TADA2B: variants seen among roughly 807,000 people sequenced by gnomAD.
TADA2B encodes the protein transcriptional adaptor 2B, also known as transcriptional adapter 2-beta.
In TADA2B, 13 loss-of-function variants were observed where a neutral mutation model predicts 34.5. The ratio of observed to expected loss-of-function variants is 0.38; its 90% confidence interval spans 0.25 to 0.60. The LOEUF (loss-of-function observed/expected upper bound fraction) is 0.60. Ranked by LOEUF, TADA2B falls within the 20% of genes least tolerant of loss-of-function variation. The pLI is 0.65. For missense variants in TADA2B, 442 were observed against 575.0 expected, an observed-to-expected ratio of 0.77 and a Z score of 2.37; for synonymous variants, 240 against 243.4, an observed-to-expected ratio of 0.99 and a Z score of 0.13.
In TADA2B at chr4:7,055,042, G is replaced by A; in HGVS notation, c.1251G>A (p.Arg417=). ...TCACAGAAAGCGGCTGGATCTCCAG[G>A]GACGCGTCTTGAAGCTGAGACGCTT... ...NFLTESGWIS[R]DAS Residue 417 remains arginine (R), a synonymous_variant, in exon 2 of 2, where the codon AGG becomes AGA. Coordinates refer to ENST00000310074, the MANE Select transcript of TADA2B (RefSeq NM_152293.3). The A allele has an allele frequency of 6.2e-7, 1 of 1,608,806 alleles. No individual in the cohort carries two copies. The highest frequency in any genetic ancestry group is 1.3e-5 in the African/African-American group (1 of 74,574).
Position 7,056,121 on chromosome 4 carries a change from C to G in TADA2B, c.*1067C>G, listed in dbSNP as rs1445433407. 2.0e-5 allele frequency: 3 copies of G among 152,664 alleles called. No individual in the cohort carries two copies. Among genetic ancestry groups the G allele is most frequent in the Non-Finnish European group, 4.4e-5 (3 of 68,058 alleles). 9.5% of individuals were successfully genotyped at this position (152,664 alleles called of 1,614,324 possible). Reference sequence around the variant, plus strand: ...CAGCTGAGGCCTCAGACTAGCCAGGCAAGAGCCGTCTGACCAGTTGGCTGG... The same window carrying G: ...CAGCTGAGGCCTCAGACTAGCCAGGGAAGAGCCGTCTGACCAGTTGGCTGG... On this transcript the variant is annotated 3_prime_UTR_variant, in exon 2 of 2. Transcript: ENST00000310074.
rs1723532050 is a variant in TADA2B, at chr4:7,043,376, G to C, written c.-204G>C. 1 of 155,856 alleles carries C rather than the reference G, an allele frequency of 6.4e-6. No individual in the cohort carries two copies. 9.7% of individuals were successfully genotyped at this position (155,856 alleles called of 1,614,324 possible). On this transcript the variant is annotated 5_prime_UTR_variant, in exon 1 of 2. Transcript: ENST00000310074. ...CGGTGGCGGCCGGGCCGGGCCGGAC[G>C]GCGCCTGCGTACTGAGGGGGGACGC...
chr4:7,050,448 G>T (rs191036613), intron 1 of TADA2B, among the ~76,000 whole-genome samples: 287 of 152,384 alleles, frequency 1.9e-3, no homozygotes, highest in Admixed American at 3.3e-3. Flanking sequence ...GGAGAAAAAG[G>T]AGCTGGTGCT....
chr4:7,043,883 G>A, intron 1 of TADA2B, 34 bp downstream of exon 1: 1 of 1,454,764 alleles, frequency 6.9e-7, no homozygotes, highest in Non-Finnish European at 9.0e-7. Flanking sequence ...GTCCCGGCTA[G>A]GGCACTGGAA....
chr4:7,046,995 G>T (rs1278617596), intron 1 of TADA2B, among the ~76,000 whole-genome samples: 1 of 152,132 alleles, frequency 6.6e-6, no homozygotes, highest in Non-Finnish European at 1.5e-5. Flanking sequence ...TGATAGCGAG[G>T]GGCAGAGAGA....
chr4:7,049,906 G>A (rs973772496), intron 1 of TADA2B, among the ~76,000 whole-genome samples: 2 of 152,238 alleles, frequency 1.3e-5, no homozygotes, highest in Admixed American at 6.5e-5. Context: ...GGCCCTAGTT[G>A]TTGGCCCAGT....
At chr4:7,047,170 G>T (rs931913220) in intron 1 of TADA2B, among the ~76,000 whole-genome samples, 2 of 152,158 alleles carry the variant, frequency 1.3e-5, no homozygotes, top group East Asian at 3.9e-4. Flanking sequence ...GAACACAGAC[G>T]CAAACACAGG....
Position 7,054,220 on chromosome 4 carries a change from C to T in TADA2B, c.429C>T (p.Leu143=), listed in dbSNP as rs748670334. ...TDHTCPSGGP[L]SPSLTTPLPP... ...ACACCTGTCCCAGCGGAGGCCCCCT[C>T]TCACCCAGCCTCACCACCCCGCTGC... Residue 143 remains leucine, a synonymous_variant, in exon 2 of 2, where the codon CTC becomes CTT. Transcript: ENST00000310074. 6.2e-7 allele frequency: 1 copy of T among 1,606,786 alleles called. No individual in the cohort carries two copies. The highest frequency in any genetic ancestry group is 8.5e-7 in the Non-Finnish European group (1 of 1,176,786).
chr4:7,048,842 G>A (rs1010525441), intron 1 of TADA2B, among the ~76,000 whole-genome samples: 9 of 152,132 alleles, frequency 5.9e-5, no homozygotes, highest in African/African-American at 1.7e-4. Context: ...TCTGACTGGC[G>A]TATTTCACTT....
Position 7,054,222 on chromosome 4 carries a change from C to T in TADA2B, c.431C>T (p.Ser144Leu). Reference protein sequence around the residue: ...DHTCPSGGPLSPSLTTPLPPL... With the variant: ...DHTCPSGGPLLPSLTTPLPPL... Reference sequence around the variant, plus strand: ...ACCTGTCCCAGCGGAGGCCCCCTCTCACCCAGCCTCACCACCCCGCTGCCC... The same window carrying T: ...ACCTGTCCCAGCGGAGGCCCCCTCTTACCCAGCCTCACCACCCCGCTGCCC... The change falls in exon 2 of 2, where the codon TCA becomes TTA. Residue 144 changes from serine (S) to leucine (L), a missense_variant. Transcript: ENST00000310074. 1.2e-6 allele frequency: 2 copies of T among 1,607,196 alleles called. No individual in the cohort carries two copies. Among genetic ancestry groups the T allele is most frequent in the Non-Finnish European group, 1.7e-6 (2 of 1,177,014 alleles).
chr4:7,052,495 A>G (rs1168304892), intron 1 of TADA2B, among the ~76,000 whole-genome samples: 1 of 152,206 alleles, frequency 6.6e-6, no homozygotes, highest in African/African-American at 2.4e-5. Context: ...CGGCTGCTCC[A>G]TGAGAGGGGA....
intron 1 of TADA2B, among the ~76,000 whole-genome samples, chr4:7,049,031 T>G (rs143349548): frequency 7.2e-5 from 11 of 152,316 alleles, no homozygotes; most frequent in African/African-American, 2.6e-4. Flanking sequence ...GAAGATGGTG[T>G]TGAGGGATCT....
Position 7,057,020 on chromosome 4 carries a change from C to T in TADA2B, c.*1966C>T, listed in dbSNP as rs1246128339. ...CTCCAGGTGACTGGATGTAAGCTTG[C>T]TTGAGAACTATGGGTTTTAGCTATT... On this transcript the variant is annotated 3_prime_UTR_variant, in exon 2 of 2. Coordinates refer to ENST00000310074, the MANE Select transcript of TADA2B (RefSeq NM_152293.3). 1 of 152,218 alleles carries T rather than the reference C, an allele frequency of 6.6e-6. No homozygotes were observed. Among genetic ancestry groups the T allele is most frequent in the Non-Finnish European group, 1.5e-5 (1 of 68,038 alleles). The allele number at this position is 152,218 out of a possible 1,614,324, so 9.4% of individuals were successfully genotyped here.
Position 7,054,248 on chromosome 4 carries a change from C to T in TADA2B, c.457C>T (p.Pro153Ser), listed in dbSNP as rs757159873. ...ACCCAGCCTCACCACCCCGCTGCCC[C>T]CGCTGGACATCTCTGTGGCTGAGCA... ...LSPSLTTPLP[P>S]LDISVAEQQQ... The change falls in exon 2 of 2, where the codon CCG becomes TCG. Residue 153 changes from proline (P) to serine (S), a missense_variant. Coordinates refer to ENST00000310074, the MANE Select transcript of TADA2B (RefSeq NM_152293.3). The T allele has an allele frequency of 6.2e-7, 1 of 1,610,850 alleles. No individual in the cohort carries two copies. The highest frequency in any genetic ancestry group is 8.5e-7 in the Non-Finnish European group (1 of 1,178,732).
Position 7,057,805 on chromosome 4 carries a change from T to TATC in TADA2B, c.*2752_*2754dup, listed in dbSNP as rs1374666556. ...CATCTCAAAAAAAATCTAAGCAAAC[T>TATC]ATCTTTGAGTCAAAAAAAGTTGGAT... On this transcript the variant is annotated 3_prime_UTR_variant, in exon 2 of 2. Transcript: ENST00000310074. 6.6e-6 allele frequency: 1 copy of TATC among 151,160 alleles called. No individual in the cohort carries two copies. The highest frequency in any genetic ancestry group is 1.5e-5 in the Non-Finnish European group (1 of 67,810). 9.4% of individuals were successfully genotyped at this position (151,160 alleles called of 1,614,324 possible).
intron 1 of TADA2B, chr4:7,053,636 A>C (rs1393415613): frequency 6.1e-6 from 1 of 162,942 alleles, no homozygotes; most frequent in African/African-American, 2.4e-5. Context: ...GAGTTCAGGC[A>C]TTCCTTGGCC....
chr4:7,052,483 C>T (rs1395349950), intron 1 of TADA2B, among the ~76,000 whole-genome samples: 1 of 152,212 alleles, frequency 6.6e-6, no homozygotes, highest in Non-Finnish European at 1.5e-5. Flanking sequence ...TGGCGTCTGC[C>T]CCGGCTGCTC....
chr4:7,045,700 T>TAG (rs1257469368), intron 1 of TADA2B: 1 of 152,262 alleles, frequency 6.6e-6, no homozygotes, highest in Non-Finnish European at 1.5e-5. Flanking sequence ...CTTGGTGGCA[T>TAG]ATCTGTGCGT....
At chr4:7,046,454 G>A (rs1723632833) in intron 1 of TADA2B, among the ~76,000 whole-genome samples, 1 of 152,214 alleles carries the variant, frequency 6.6e-6, no homozygotes, top group African/African-American at 2.4e-5. Context: ...TTGAAGAACA[G>A]CAGCTGTAAG....
Sources: allele counts gnomAD v4.1 joint callset (sites outside exome capture counted in the v4.1 genomes callset), GRCh38; gene constraint gnomAD v4.1.1; transcripts MANE v1.5; gene names NCBI Gene and HGNC (gene_info 2026-07-23, HGNC 2026-07-21).